Variants in DNAL1 observed in about 807,000 individuals in gnomAD.
DNAL1 encodes chromosome 14 open reading frame 168.
In DNAL1, 17 loss-of-function variants were observed where a neutral mutation model predicts 29.4. The observed-to-expected ratio is 0.58, with a 90% CI of 0.40 to 0.87. DNAL1 has a LOEUF of 0.87. Among genes scored for constraint, DNAL1 ranks in the 40% least tolerant of loss-of-function variants. DNAL1 has a pLI of 0.00. For missense variants in DNAL1, 188 were observed against 214.1 expected (o/e 0.88, Z 0.76); for synonymous variants, 78 against 76.3 (o/e 1.02, Z -0.12).
chr14:73,684,007 G>A (rs1281599632), intron 5 of DNAL1, among the ~76,000 whole-genome samples: 10 of 152,158 alleles, frequency 6.6e-5, no homozygotes, highest in African/African-American at 1.2e-4. Flanking sequence ...GCACCTGGCC[G>A]AGATCAACTT....
intron 4 of DNAL1, among the ~76,000 whole-genome samples, chr14:73,668,375 C>T (rs774109560): frequency 1.3e-5 from 2 of 151,906 alleles, no homozygotes; most frequent in South Asian, 2.1e-4. Flanking sequence ...AATAAGTTAT[C>T]GAATAAGCGT....
Position 73,703,318 on chromosome 14 carries a change from G to C in DNAL1, c.*7376G>C, listed in dbSNP as rs550226261. 6.6e-6 allele frequency: 1 copy of C among 152,230 alleles called. No homozygotes were observed. The highest frequency in any genetic ancestry group is 1.9e-4 in the East Asian group (1 of 5,182). 9.4% of individuals were successfully genotyped at this position (152,230 alleles called of 1,614,324 possible). On this transcript the variant is annotated 3_prime_UTR_variant, in exon 8 of 8. Transcript: ENST00000553645. ...ATACAATTGTTATATATAATTAAAA[G>C]TCAGAATCTTAGGTGATAACTGTCA...
intron 1 of DNAL1, among the ~76,000 whole-genome samples, chr14:73,652,233 T>A (rs1382802939): frequency 1.3e-5 from 2 of 152,030 alleles, no homozygotes; most frequent in South Asian, 4.1e-4. Flanking sequence ...TTTGTATTTT[T>A]TTGTAGAGAC....
intron 1 of DNAL1, 49 bp from the exon 2 acceptor site, chr14:73,654,798 A>G (rs1891175306): frequency 2.0e-6 from 3 of 1,473,160 alleles, no homozygotes; most frequent in Non-Finnish European, 2.7e-6. Flanking sequence ...ACATTCATAC[A>G]TACATACAAC....
intron 5 of DNAL1, among the ~76,000 whole-genome samples, chr14:73,683,906 C>T (rs1180977294): frequency 6.6e-6 from 1 of 151,964 alleles, no homozygotes; most frequent in African/African-American, 2.4e-5. Context: ...GGGGTTTCAC[C>T]ATGTTGGTCA....
rs999834743 is a variant in DNAL1, at chr14:73,697,901, A to G, written c.*1959A>G. 2.0e-5 allele frequency: 3 copies of G among 152,134 alleles called. No homozygotes were observed. Among genetic ancestry groups the G allele is most frequent in the Non-Finnish European group, 2.9e-5 (2 of 68,036 alleles). The allele number at this position is 152,134 out of a possible 1,614,324, so 9.4% of individuals were successfully genotyped here. Reference sequence around the variant, plus strand: ...ACATTTCTTTTATGAACCATAGGCAATGAGCCTTCATTCTCCTTGGTGATG... The same window carrying G: ...ACATTTCTTTTATGAACCATAGGCAGTGAGCCTTCATTCTCCTTGGTGATG... On this transcript the variant is annotated 3_prime_UTR_variant, in exon 8 of 8. Transcript: ENST00000553645.
At chr14:73,669,426 G>A (rs562702482) in intron 4 of DNAL1, among the ~76,000 whole-genome samples, 18 of 152,130 alleles carry the variant, frequency 1.2e-4, no homozygotes, top group Admixed American at 5.2e-4. Flanking sequence ...ACAGGCATGC[G>A]CCACCATGCC....
At position 73,696,951 on chromosome 14, in the gene DNAL1, C is replaced by T. The variant is rs543771948; in HGVS notation, c.*1009C>T. ...AACAGCTCTTAAAATGTATTATGTA[C>T]GTGGTTGTGGAGGGAAGGGAGATGT... On this transcript the variant is annotated 3_prime_UTR_variant, in exon 8 of 8. Transcript: ENST00000553645. The T allele has an allele frequency of 1.3e-5, 2 of 152,060 alleles. No individual in the cohort carries two copies. Among genetic ancestry groups the T allele is most frequent in the Admixed American group, 6.5e-5 (1 of 15,268 alleles). 9.4% of individuals were successfully genotyped at this position (152,060 alleles called of 1,614,324 possible).
chr14:73,654,825 TTTC>T lies in DNAL1; in HGVS notation c.4-19_4-17del. 2.0e-6 allele frequency: 3 copies of T among 1,510,254 alleles called. No homozygotes were observed. Among genetic ancestry groups the T allele is most frequent in the Non-Finnish European group, 2.6e-6 (3 of 1,137,008 alleles). The allele number at this position is 1,510,254 out of a possible 1,614,324, so 93.6% of individuals were successfully genotyped here. On this transcript the variant is annotated intron_variant, in intron 1 of 7. Transcript: ENST00000553645. Reference sequence around the variant, plus strand: ...ACATACAACTTTGTTTTTTCTTTTCTTTCTTTTTTTTTTTTTTAAAGGCGAAAG... The same window carrying T: ...ACATACAACTTTGTTTTTTCTTTTCTTTTTTTTTTTTTTTAAAGGCGAAAG...
intron 1 of DNAL1, among the ~76,000 whole-genome samples, chr14:73,653,386 C>A (rs759197346): frequency 1.4e-4 from 22 of 152,112 alleles, no homozygotes; most frequent in Non-Finnish European, 2.6e-4. Context: ...CAGGCTTGCC[C>A]TGTTGCCCAG....
intron 1 of DNAL1, among the ~76,000 whole-genome samples, chr14:73,648,656 A>G (rs1233935117): frequency 1.4e-5 from 2 of 145,938 alleles, no homozygotes; most frequent in Non-Finnish European, 3.0e-5. Flanking sequence ...CTCAGGCGAT[A>G]TGGCCACCTC....
intron 4 of DNAL1, among the ~76,000 whole-genome samples, chr14:73,665,602 C>A (rs1891458404): frequency 6.6e-6 from 1 of 151,954 alleles, no homozygotes; most frequent in African/African-American, 2.4e-5. Context: ...ATCAGCCTGG[C>A]CAATGTGGTG....
At chr14:73,660,722 C>T (rs1242093453) in intron 3 of DNAL1, among the ~76,000 whole-genome samples, 1 of 152,134 alleles carries the variant, frequency 6.6e-6, no homozygotes, top group Non-Finnish European at 1.5e-5. Flanking sequence ...AAAAATCCAC[C>T]ACCACATGCT....
At chr14:73,689,247 T>C (rs1362995313) in intron 6 of DNAL1, 128 bp from the exon 7 acceptor site, 2 of 1,047,848 alleles carry the variant, frequency 1.9e-6, no homozygotes, top group Non-Finnish European at 2.7e-6. Context: ...TTAGCCAGGA[T>C]GGTCTCGATC....
chr14:73,678,060 G>C lies in DNAL1; in HGVS notation c.264+6463G>C, dbSNP rs141814815. On this transcript the variant is annotated intron_variant, in intron 5 of 7. Coordinates refer to ENST00000553645, the MANE Select transcript of DNAL1 (RefSeq NM_031427.4). ...TACAGGCACGCACCACCACACCCAG[G>C]TAATATTTTTTATTTTTTGTAGAGA... Among the ~76,000 whole-genome samples the C allele has an allele frequency of 8.0e-3, 1,213 of 151,418 alleles. 24 individuals carry two copies. The highest frequency in any genetic ancestry group is 0.028 in the African/African-American group (1,151 of 41,228).
At chr14:73,661,902 C>A in intron 3 of DNAL1, 85 bp from the exon 4 acceptor site, 2 of 782,610 alleles carry the variant, frequency 2.6e-6, no homozygotes, top group Non-Finnish European at 4.0e-6. Flanking sequence ...TAAATATTAT[C>A]TTTTATGGGC....
chr14:73,687,208 CAG>C (rs1892040258), intron 5 of DNAL1, 49 bp from the exon 6 acceptor site: 4 of 1,597,470 alleles, frequency 2.5e-6, no homozygotes, highest in Admixed American at 1.7e-5. Flanking sequence ...AAGAAGAAGA[CAG>C]AAAGAAAAGC....
intron 7 of DNAL1, among the ~76,000 whole-genome samples, chr14:73,693,179 T>A (rs1468621079): frequency 1.3e-5 from 2 of 152,098 alleles, no homozygotes; most frequent in East Asian, 3.9e-4. Flanking sequence ...AGACGGACAA[T>A]ACCAAATGCT....
chr14:73,651,395 T>TG (rs1218769188), intron 1 of DNAL1: 1 of 145,680 alleles, frequency 6.9e-6, no homozygotes, highest in East Asian at 2.0e-4. Flanking sequence ...AGTTGGCAAC[T>TG]TTCCCTCTTT....
Sources: allele counts gnomAD v4.1 joint callset (sites outside exome capture counted in the v4.1 genomes callset), GRCh38; gene constraint gnomAD v4.1.1; transcripts MANE v1.5; gene names NCBI Gene and HGNC (gene_info 2026-07-23, HGNC 2026-07-21).